MALRD1: variants seen among roughly 807,000 people sequenced by gnomAD.
The protein encoded by MALRD1 is MAM and LDL-receptor class A domain-containing protein 1.
Under a neutral mutation model 242.1 loss-of-function variants are expected in MALRD1, and 247 were observed. The ratio of observed to expected loss-of-function variants is 1.02; its 90% CI spans 0.92 to 1.13. The LOEUF is 1.13. MALRD1 is among the 50% of genes most tolerant of loss of function. The pLI is 0.00. For synonymous variants in MALRD1, 995 were observed against 866.6 expected, an observed-to-expected ratio of 1.15 and a Z score of -2.60; for missense variants, 2,989 against 2,533.1, an observed-to-expected ratio of 1.18 and a Z score of -3.86.
At chr10:19,515,772 G>T (rs533822780) in intron 31 of MALRD1, among the ~76,000 whole-genome samples, 23 of 152,078 alleles carry the variant, frequency 1.5e-4, no homozygotes, top group African/African-American at 5.5e-4. Flanking sequence ...GTTTCACCAT[G>T]TTAGCCAGGA....
At chr10:19,693,723 T>G (rs1256881177) in intron 38 of MALRD1, among the ~76,000 whole-genome samples, 2 of 152,148 alleles carry the variant, frequency 1.3e-5, no homozygotes, top group Non-Finnish European at 1.5e-5. Flanking sequence ...TGGAAAAAAC[T>G]ACTTTAAAGT....
Position 19,124,536 on chromosome 10 carries a change from G to C in MALRD1, c.809G>C (p.Cys270Ser). 6 of 1,233,832 alleles carry C rather than the reference G, an allele frequency of 4.9e-6. 1 individual carries two copies. The East Asian group carries it at 1.9e-4, about 39-fold the overall frequency. 76.4% of individuals were successfully genotyped at this position (1,233,832 alleles called of 1,614,324 possible). A position where few individuals can be genotyped will look rare whatever the true frequency, so the allele number is the denominator to read the frequency against. ...TTCTCCCGTTTAGTGTGTCAGGCCTGTGGGTTTGAATTTGACATGTGTGAG... is the reference window on the plus strand; with the variant it reads ...TTCTCCCGTTTAGTGTGTCAGGCCTCTGGGTTTGAATTTGACATGTGTGAG... The part of the protein sequence containing the change: ...TDEELRLCQA[C>S]GFEFDMCEWT... The change falls in exon 7 of 40, where the codon TGT becomes TCT. Residue 270 changes from cysteine to serine, a missense_variant. Transcript: ENST00000454679.
intron 24 of MALRD1, among the ~76,000 whole-genome samples, chr10:19,341,013 G>A (rs1353283080): frequency 6.6e-6 from 1 of 151,984 alleles, no homozygotes; most frequent in African/African-American, 2.4e-5. Context: ...TGGTGGAAGG[G>A]GGAGCTAGTA....
At position 19,260,270 on chromosome 10, in the gene MALRD1, TAGAC is replaced by T. The variant is rs777412206; in HGVS notation, c.3079+2511_3079+2514del. Among the ~76,000 whole-genome samples, 31 of 148,506 alleles carry T rather than the reference TAGAC, an allele frequency of 2.1e-4. 2 individuals are homozygous for T. Among genetic ancestry groups the T allele is most frequent in the South Asian group, 2.0e-3 (9 of 4,592 alleles). On this transcript the variant is annotated intron_variant, in intron 19 of 39. Transcript: ENST00000454679. ...GGCATAGAGAATAAGAGCAAAGACATAGACAGACAGACAGATAGATAGACAGACA... is the reference window on the plus strand; with the variant it reads ...GGCATAGAGAATAAGAGCAAAGACATAGACAGACAGATAGATAGACAGACA...
At chr10:19,651,143 C>T (rs1174993272) in intron 36 of MALRD1, among the ~76,000 whole-genome samples, 1 of 152,106 alleles carries the variant, frequency 6.6e-6, no homozygotes, top group Admixed American at 6.6e-5. Context: ...GTTAAATGGC[C>T]ACAAGTCCAA....
chr10:19,216,119 C>T (rs184137733), intron 18 of MALRD1, among the ~76,000 whole-genome samples: 2,229 of 122,572 alleles, frequency 0.018, 87 homozygotes, highest in East Asian at 0.15. Flanking sequence ...TTCTTTCTTT[C>T]TTTTTTTTTT....
intron 31 of MALRD1, among the ~76,000 whole-genome samples, chr10:19,510,033 A>T (rs2131284580): frequency 6.6e-6 from 1 of 152,278 alleles, no homozygotes; most frequent in Non-Finnish European, 1.5e-5. Context: ...TGGCAGGACA[A>T]TAGGGTAATA....
intron 33 of MALRD1, among the ~76,000 whole-genome samples, chr10:19,578,550 A>C (rs2131498479): frequency 6.6e-6 from 1 of 152,080 alleles, no homozygotes; most frequent in East Asian, 1.9e-4. Flanking sequence ...AAATTAGCTA[A>C]ATGTGGTGGC....
chr10:19,694,080 A>T (rs946068579), intron 38 of MALRD1, among the ~76,000 whole-genome samples: 1 of 152,210 alleles, frequency 6.6e-6, no homozygotes, highest in African/African-American at 2.4e-5. Context: ...TTAATTCAAG[A>T]TGGATTAAAG....
intron 32 of MALRD1, among the ~76,000 whole-genome samples, chr10:19,563,177 G>A (rs536668919): frequency 1.3e-5 from 2 of 152,170 alleles, no homozygotes; most frequent in African/African-American, 4.8e-5. Flanking sequence ...CAGTTATTTG[G>A]TCTTACCCTA....
At chr10:19,391,960 C>A (rs558683407) in intron 28 of MALRD1, among the ~76,000 whole-genome samples, 1 of 152,302 alleles carries the variant, frequency 6.6e-6, no homozygotes, top group Non-Finnish European at 1.5e-5. Context: ...AAGGGATGGC[C>A]ATTGTGCATT....
At chr10:19,341,517 T>C (rs1843869799) in intron 24 of MALRD1, among the ~76,000 whole-genome samples, 1 of 145,030 alleles carries the variant, frequency 6.9e-6, no homozygotes, top group African/African-American at 2.6e-5. Context: ...TATATGTGTG[T>C]ATATATGTAT....
intron 28 of MALRD1, among the ~76,000 whole-genome samples, chr10:19,400,914 G>A (rs1846809424): frequency 6.6e-6 from 1 of 152,112 alleles, no homozygotes; most frequent in South Asian, 2.1e-4. Context: ...TACTCGGGAG[G>A]CTGAGGCAGG....
chr10:19,108,059 C>A (rs2131345588), intron 5 of MALRD1, among the ~76,000 whole-genome samples: 1 of 152,152 alleles, frequency 6.6e-6, no homozygotes, highest in South Asian at 2.1e-4. Flanking sequence ...AGGTTTTTAA[C>A]TATTATTTTA....
At chr10:19,710,156 A>G (rs931772060) in intron 38 of MALRD1, among the ~76,000 whole-genome samples, 3 of 152,128 alleles carry the variant, frequency 2.0e-5, no homozygotes, top group Admixed American at 6.5e-5. Context: ...AGTCATTCCA[A>G]TATTGCCCTC....
rs1842124296 is a variant in MALRD1 at position 19,305,506 on chromosome 10, G to C, written c.3420-18443G>C. On this transcript the variant is annotated intron_variant, in intron 21 of 39. Coordinates refer to ENST00000454679, the MANE Select transcript of MALRD1 (RefSeq NM_001142308.3). ...TAAATCAATATAAAGCTAAATAAAAGTATTGCAAGTTTTCAATTTTGAACC... is the reference window on the plus strand; with the variant it reads ...TAAATCAATATAAAGCTAAATAAAACTATTGCAAGTTTTCAATTTTGAACC... 6.6e-5 allele frequency among the ~76,000 whole-genome samples: 10 copies of C among 151,214 alleles called. No individual in the cohort carries two copies. The Admixed American group carries it at 6.6e-4, about 10-fold the overall frequency.
In MALRD1 at chr10:19,692,550, A is replaced by G; in HGVS notation, c.6310A>G (p.Ile2104Val). 1.3e-6 allele frequency: 2 copies of G among 1,534,018 alleles called. No homozygotes were observed. Among genetic ancestry groups the G allele is most frequent in the African/African-American group, 1.4e-5 (1 of 73,034 alleles). The change falls in exon 38 of 40, where the codon ATA becomes GTA. Residue 2104 changes from isoleucine to valine, a missense_variant. Coordinates refer to ENST00000454679, the MANE Select transcript of MALRD1 (RefSeq NM_001142308.3). Reference sequence around the variant, plus strand: ...TTTTCTTGCAAACAGAAAGGTACCAATAAGGTAAGTGATGCCTTTAGTTGC... The same window carrying G: ...TTTTCTTGCAAACAGAAAGGTACCAGTAAGGTAAGTGATGCCTTTAGTTGC... ...LCFLANRKVP[I>V]RKTEGSGNCA...
At chr10:19,729,534 T>A (rs1835187796) in intron 38 of MALRD1, among the ~76,000 whole-genome samples, 1 of 151,456 alleles carries the variant, frequency 6.6e-6, no homozygotes, top group African/African-American at 2.4e-5. Context: ...TACACATGCA[T>A]GTATAGGATC....
At chr10:19,580,417 A>G (rs1182799008) in intron 33 of MALRD1, among the ~76,000 whole-genome samples, 3 of 151,974 alleles carry the variant, frequency 2.0e-5, no homozygotes, top group African/African-American at 4.8e-5. Flanking sequence ...GAAAGGAAGA[A>G]CTCTGATAAT....
Sources: allele counts gnomAD v4.1 joint callset (sites outside exome capture counted in the v4.1 genomes callset), GRCh38; gene constraint gnomAD v4.1.1; transcripts MANE v1.5; gene names NCBI Gene and HGNC (gene_info 2026-07-23, HGNC 2026-07-21).